FGF12: variants seen among roughly 807,000 people sequenced by gnomAD.
FGF12 encodes fibroblast growth factor 12B.
In FGF12, 14 loss-of-function variants were observed where a neutral mutation model predicts 23.6. The ratio of observed to expected loss-of-function variants is 0.59; its 90% confidence interval spans 0.39 to 0.93. The LOEUF is 0.93. Ranked by LOEUF, FGF12 falls within the 40% of genes least tolerant of loss-of-function variation. FGF12 has a pLI of 0.00. For synonymous variants in FGF12, 62 were observed against 77.3 expected, an observed-to-expected ratio of 0.80 and a Z score of 1.04; for missense variants, 175 against 217.8, an observed-to-expected ratio of 0.80 and a Z score of 1.24.
At chr3:192,262,956 T>C (rs1712852824) in intron 4 of FGF12, among the ~76,000 whole-genome samples, 1 of 151,904 alleles carries the variant, frequency 6.6e-6, no homozygotes, top group African/African-American at 2.4e-5. Flanking sequence ...ACGTAAGAAA[T>C]CTCTCTAACA....
chr3:192,219,936 C>T (rs1718386200), intron 4 of FGF12, among the ~76,000 whole-genome samples: 1 of 152,220 alleles, frequency 6.6e-6, no homozygotes, highest in South Asian at 2.1e-4. Context: ...TTTGAAATTC[C>T]TCTTTCTGAT....
At chr3:192,574,446 T>C (rs996936046) in intron 2 of FGF12, among the ~76,000 whole-genome samples, 3 of 152,224 alleles carry the variant, frequency 2.0e-5, no homozygotes, top group Non-Finnish European at 4.4e-5. Context: ...TATAAACTTT[T>C]GCTTAAAGAT....
At chr3:192,296,566 T>C (rs1908086) in intron 4 of FGF12, among the ~76,000 whole-genome samples, 9,148 of 152,240 alleles carry the variant, frequency 0.06, 355 homozygotes, top group South Asian at 0.088. Flanking sequence ...TGTCCTGATT[T>C]AATAAGAAAA....
At chr3:192,564,313 C>G (rs1712183115) in intron 2 of FGF12, among the ~76,000 whole-genome samples, 1 of 152,170 alleles carries the variant, frequency 6.6e-6, no homozygotes, top group Admixed American at 6.5e-5. Context: ...ATCTGCCTGC[C>G]TCAGCTTCCC....
rs549845064 is a variant in FGF12, at chr3:192,330,750, C to T, written c.228+4611G>A. Among the ~76,000 whole-genome samples, 4 of 151,390 alleles carry T rather than the reference C, an allele frequency of 2.6e-5. No homozygotes were observed. In the South Asian group the frequency reaches 6.4e-4, roughly 24 times the overall value. ...ACAAACAAACAAACAAACAAAAAACCTCCTAGAATAAACATAGGAAAAAAC... is the reference window on the plus strand; with the variant it reads ...ACAAACAAACAAACAAACAAAAAACTTCCTAGAATAAACATAGGAAAAAAC... On this transcript the variant is annotated intron_variant, in intron 4 of 5. Coordinates refer to ENST00000445105, the MANE Select transcript of FGF12 (RefSeq NM_004113.6).
chr3:192,219,952 CA>C (rs952000120), intron 4 of FGF12, among the ~76,000 whole-genome samples: 2 of 152,120 alleles, frequency 1.3e-5, no homozygotes, highest in African/African-American at 4.8e-5. Flanking sequence ...CTGATTATGA[CA>C]AAAAGACACC....
chr3:192,229,769 A>G (rs891805142), intron 4 of FGF12, among the ~76,000 whole-genome samples: 2 of 152,132 alleles, frequency 1.3e-5, no homozygotes, highest in Non-Finnish European at 2.9e-5. Context: ...CAGCTTTGGA[A>G]CATTATGTAA....
At chr3:192,455,960 A>G (rs957056073) in intron 2 of FGF12, among the ~76,000 whole-genome samples, 1 of 152,192 alleles carries the variant, frequency 6.6e-6, no homozygotes, top group African/African-American at 2.4e-5. Flanking sequence ...GTGGTTAATA[A>G]GTGGGGCCTT....
chr3:192,417,744 C>G (rs1434174675), intron 2 of FGF12, among the ~76,000 whole-genome samples: 1 of 151,976 alleles, frequency 6.6e-6, no homozygotes, highest in East Asian at 1.9e-4. Flanking sequence ...CTAGCAGATA[C>G]TGAACCCTTG....
At chr3:192,172,551 A>G (rs1236260110) in intron 4 of FGF12, among the ~76,000 whole-genome samples, 4 of 150,994 alleles carry the variant, frequency 2.6e-5, no homozygotes, top group Non-Finnish European at 5.9e-5. Context: ...TAAGTAAATG[A>G]ACTACTAGCT....
intron 2 of FGF12, among the ~76,000 whole-genome samples, chr3:192,635,329 T>C (rs1049366629): frequency 2.0e-5 from 3 of 152,192 alleles, no homozygotes; most frequent in African/African-American, 7.2e-5. Flanking sequence ...CTCATAACTC[T>C]TCTTGCTTTA....
At chr3:192,455,093 A>C (rs554509252) in intron 2 of FGF12, among the ~76,000 whole-genome samples, 18 of 152,222 alleles carry the variant, frequency 1.2e-4, no homozygotes, top group Non-Finnish European at 2.6e-4. Flanking sequence ...CTAAGCCATA[A>C]GACTTATTGC....
chr3:192,359,237 T>C (rs1718613438), intron 3 of FGF12, among the ~76,000 whole-genome samples: 1 of 152,192 alleles, frequency 6.6e-6, no homozygotes, highest in African/African-American at 2.4e-5. Flanking sequence ...TAAATTATAT[T>C]TTAAATGTGT....
In FGF12 at chr3:192,413,676, T is replaced by C. The variant is rs542751678; in HGVS notation, c.14-53138A>G. Among the ~76,000 whole-genome samples the C allele has an allele frequency of 5.9e-5, 9 of 152,316 alleles. No individual in the cohort carries two copies. In the South Asian group the frequency reaches 1.9e-3, roughly 32 times the overall value. ...TTGAAATGAATGATTAACCTTGACATTGTCATGGCAAACAGAATTTCATTA... is the reference window on the plus strand; with the variant it reads ...TTGAAATGAATGATTAACCTTGACACTGTCATGGCAAACAGAATTTCATTA... On this transcript the variant is annotated intron_variant, in intron 2 of 5. Coordinates refer to ENST00000445105, the MANE Select transcript of FGF12 (RefSeq NM_004113.6).
chr3:192,262,494 T>C (rs951914304), intron 4 of FGF12, among the ~76,000 whole-genome samples: 6 of 152,162 alleles, frequency 3.9e-5, no homozygotes, highest in African/African-American at 1.4e-4. Context: ...GTCAACAATG[T>C]ACTACATATA....
At chr3:192,589,538 T>C (rs1349607124) in intron 2 of FGF12, among the ~76,000 whole-genome samples, 3 of 151,774 alleles carry the variant, frequency 2.0e-5, no homozygotes, top group Admixed American at 1.3e-4. Context: ...GTAGGTCTCA[T>C]CAAATTCTAT....
intron 2 of FGF12, among the ~76,000 whole-genome samples, chr3:192,483,832 T>C (rs1169994830): frequency 2.0e-5 from 3 of 152,112 alleles, no homozygotes; most frequent in African/African-American, 7.2e-5. Context: ...AAGTAACCCA[T>C]CTAACAATCA....
chr3:192,464,498 T>TGGTG (rs1424747752), intron 2 of FGF12, among the ~76,000 whole-genome samples: 1 of 123,814 alleles, frequency 8.1e-6, no homozygotes, highest in Non-Finnish European at 1.7e-5. Context: ...TAGTATTCCA[T>TGGTG]GGTGTGTGTG....
intron 2 of FGF12, among the ~76,000 whole-genome samples, chr3:192,588,298 C>A (rs1194768298): frequency 1.5e-5 from 2 of 131,172 alleles, no homozygotes; most frequent in Non-Finnish European, 3.1e-5. Context: ...TGCAGTGAGC[C>A]GAGATCGCGC....
Sources: gnomAD v4.1 joint callset for allele counts (sites outside exome capture counted in the v4.1 genomes callset) on GRCh38, gnomAD v4.1.1 for gene constraint, MANE v1.5 for transcripts, NCBI Gene and HGNC (gene_info 2026-07-23, HGNC 2026-07-21) for gene names.